Variants in COBLL1 observed in about 807,000 individuals in gnomAD.
COBLL1 encodes the protein cordon-bleu WH2 repeat protein like 1, also known as cordon-bleu protein-like 1.
COBLL1 carries 50 observed loss-of-function variants against 94.8 expected under a neutral mutation model. That is an observed-to-expected ratio of 0.53 (90% confidence interval 0.42 to 0.67). COBLL1 has a LOEUF of 0.67. Ranked by LOEUF, COBLL1 falls within the 30% of genes least tolerant of loss-of-function variation. COBLL1 has a pLI of 0.00. For missense variants in COBLL1, 1,362 were observed against 1,348.7 expected (o/e 1.01, Z -0.15); for synonymous variants, 448 against 473.8 (o/e 0.95, Z 0.71).
downstream of COBLL1, among the ~76,000 whole-genome samples, chr2:164,677,291 C>A (rs1294624380): frequency 6.6e-6 from 1 of 152,054 alleles, no homozygotes. Flanking sequence ...CCAAAGCGTA[C>A]TGCAAACATT....
intron 2 of COBLL1, among the ~76,000 whole-genome samples, chr2:164,782,024 A>G (rs1161940564): frequency 6.6e-6 from 1 of 152,218 alleles, no homozygotes; most frequent in African/African-American, 2.4e-5. Flanking sequence ...CAGTTAAAAA[A>G]AAAATGGAAC....
intron 7 of COBLL1, among the ~76,000 whole-genome samples, chr2:164,714,872 G>A (rs1309400534): frequency 1.3e-5 from 2 of 152,064 alleles, no homozygotes; most frequent in Non-Finnish European, 2.9e-5. Context: ...AGAGAGGTAC[G>A]ACTTTTTACA....
intron 2 of COBLL1, among the ~76,000 whole-genome samples, chr2:164,836,548 T>C (rs1683329245): frequency 6.6e-6 from 1 of 152,230 alleles, no homozygotes; most frequent in Admixed American, 6.5e-5. Flanking sequence ...CTTAGAGTTG[T>C]ATGACCTTCA....
At chr2:164,712,951 A>T (rs1404018859) in intron 7 of COBLL1, among the ~76,000 whole-genome samples, 1 of 152,160 alleles carries the variant, frequency 6.6e-6, no homozygotes, top group Admixed American at 6.6e-5. Flanking sequence ...AGATACACAC[A>T]CACACGTGCA....
intron 13 of COBLL1, among the ~76,000 whole-genome samples, chr2:164,688,004 A>G (rs1309548269): frequency 6.6e-6 from 1 of 152,220 alleles, no homozygotes. Context: ...TAATGAACAA[A>G]TAAGCTACGT....
intron 2 of COBLL1, among the ~76,000 whole-genome samples, chr2:164,746,499 A>G (rs1695534764): frequency 6.6e-6 from 1 of 152,096 alleles, no homozygotes; most frequent in African/African-American, 2.4e-5. Context: ...ATGTTCCTCT[A>G]CTTACGATGG....
In COBLL1 at chr2:164,680,928, A is replaced by T. The variant is rs1683011056; in HGVS notation, c.*5018T>A. On this transcript the variant is annotated 3_prime_UTR_variant, in exon 14 of 14. Transcript: ENST00000652658. ...AAGACAAAATGAGAGAAAACTATAG[A>T]GAAAGGGAGAGAATATACTTTTGCA... 1 of 152,144 alleles carries T rather than the reference A, an allele frequency of 6.6e-6. No individual in the cohort carries two copies. The highest frequency in any genetic ancestry group is 2.1e-4 in the South Asian group (1 of 4,836). 9.4% of individuals were successfully genotyped at this position (152,144 alleles called of 1,614,324 possible). A position where few individuals can be genotyped will look rare whatever the true frequency, so the allele number is the denominator to read the frequency against.
chr2:164,681,347 G>C lies in COBLL1; in HGVS notation c.*4599C>G, dbSNP rs1321568801. On this transcript the variant is annotated 3_prime_UTR_variant, in exon 14 of 14. Coordinates refer to ENST00000652658, the MANE Select transcript of COBLL1 (RefSeq NM_001365672.2). Reference sequence around the variant, plus strand: ...CTTAGGACCATTCAGCTGTTTCAGAGATGTCTTTCTCACAGCAACATTTCA... The same window carrying C: ...CTTAGGACCATTCAGCTGTTTCAGACATGTCTTTCTCACAGCAACATTTCA... 6 of 152,148 alleles carry C rather than the reference G, an allele frequency of 3.9e-5. No individual in the cohort carries two copies. The highest frequency in any genetic ancestry group is 1.5e-5 in the Non-Finnish European group (1 of 68,056). The allele number at this position is 152,148 out of a possible 1,614,324, so 9.4% of individuals were successfully genotyped here. A position where few individuals can be genotyped will look rare whatever the true frequency, so the allele number is the denominator to read the frequency against.
chr2:164,759,965 G>A (rs1687602317), intron 2 of COBLL1, among the ~76,000 whole-genome samples: 1 of 152,272 alleles, frequency 6.6e-6, no homozygotes, highest in Admixed American at 6.5e-5. Flanking sequence ...GCAAAACGGT[G>A]AAGGCCACTC....
Position 164,841,520 on chromosome 2 carries a change from G to A in COBLL1, c.-51+190C>T, listed in dbSNP as rs1222034613. The A allele has an allele frequency of 2.0e-5, 19 of 971,442 alleles. No homozygotes were observed. Among genetic ancestry groups the A allele is most frequent in the Non-Finnish European group, 2.4e-5 (19 of 782,046 alleles). The allele number at this position is 971,442 out of a possible 1,614,324, so 60.2% of individuals were successfully genotyped here. A position where few individuals can be genotyped will look rare whatever the true frequency, so the allele number is the denominator to read the frequency against. On this transcript the variant is annotated intron_variant, in intron 1 of 13. Transcript: ENST00000652658. The surrounding 1 kb of genome is among the most constrained non-coding windows in gnomAD (Gnocchi z 5.5). ...ACTGGGTAGCCATTTGGCGCCTCTC[G>A]GAGGGAGAGGAGCCGCCGGGGCTGG...
At chr2:164,805,279 C>CTCTG (rs1559033121) in intron 2 of COBLL1, among the ~76,000 whole-genome samples, 1 of 70,618 alleles carries the variant, frequency 1.4e-5, no homozygotes, top group Non-Finnish European at 2.8e-5. Flanking sequence ...ATATTATTCT[C>CTCTG]TCTGTCTGTC....
At chr2:164,711,396 CTG>C (rs1218400578) in intron 7 of COBLL1, among the ~76,000 whole-genome samples, 1 of 152,162 alleles carries the variant, frequency 6.6e-6, no homozygotes, top group Non-Finnish European at 1.5e-5. Flanking sequence ...TCTCTGGTGA[CTG>C]TGTTGGTAAG....
chr2:164,707,011 C>T (rs1684637621), intron 7 of COBLL1, among the ~76,000 whole-genome samples: 1 of 152,172 alleles, frequency 6.6e-6, no homozygotes, highest in African/African-American at 2.4e-5. Flanking sequence ...CCACACTGGC[C>T]TCTTTGCTGC....
downstream of COBLL1, among the ~76,000 whole-genome samples, chr2:164,677,659 C>G (rs1339554978): frequency 6.6e-6 from 1 of 152,160 alleles, no homozygotes; most frequent in Non-Finnish European, 1.5e-5. Flanking sequence ...GAACCTTGAC[C>G]TGACTCTCTA....
intron 9 of COBLL1, among the ~76,000 whole-genome samples, chr2:164,704,144 G>C (rs1684460217): frequency 6.6e-6 from 1 of 152,076 alleles, no homozygotes; most frequent in South Asian, 2.1e-4. Context: ...CATTACACTT[G>C]GGAAGGAGGT....
At chr2:164,668,010 G>A (rs538957554) in intron 1 of COBLL1, among the ~76,000 whole-genome samples, 19 of 148,872 alleles carry the variant, frequency 1.3e-4, no homozygotes, top group African/African-American at 4.2e-4. Flanking sequence ...AGTGGCGTGA[G>A]CTCAGCTCAC....
At chr2:164,805,323 CTCTCTCTCTCTCTCTATATA>C (rs1387773996) in intron 2 of COBLL1, among the ~76,000 whole-genome samples, 14 of 33,684 alleles carry the variant, frequency 4.2e-4, no homozygotes, top group South Asian at 2.8e-3. Flanking sequence ...CTCTCTCTCT[CTCTCTCTCTCTCTCTATATA>C]TATATATATA....
intron 2 of COBLL1, among the ~76,000 whole-genome samples, chr2:164,814,013 G>T (rs1307660843): frequency 1.3e-5 from 2 of 152,156 alleles, no homozygotes; most frequent in African/African-American, 4.8e-5. Flanking sequence ...CCATGTCTGT[G>T]TAACAAGGTC....
Position 164,664,276 on chromosome 2 carries a change from C to T in COBLL1, n.181+1571G>A, listed in dbSNP as rs1691117770. Among the ~76,000 whole-genome samples, 5 of 152,198 alleles carry T rather than the reference C, an allele frequency of 3.3e-5. No homozygotes were observed. In the South Asian group the frequency reaches 1.0e-3, roughly 32 times the overall value. ...ATGTCATCTATGAAAACAAGGGAGT[C>T]ATCCCATGGTGTTACATTACCATTT... is the stretch of plus-strand genomic sequence containing the variant. On this transcript the variant is annotated intron_variant and non_coding_transcript_variant, in intron 2 of 2. Coordinates refer to the COBLL1 transcript ENST00000495084.
Sources: allele counts gnomAD v4.1 joint callset (sites outside exome capture counted in the v4.1 genomes callset), GRCh38; gene constraint gnomAD v4.1.1; non-coding constraint Gnocchi (gnomAD v3.1); transcripts MANE v1.5; gene names NCBI Gene and HGNC (gene_info 2026-07-23, HGNC 2026-07-21).